The following KLHL3 variants were observed in gnomAD, a reference collection of about 807,000 sequenced individuals.
The protein encoded by KLHL3 is kelch like family member 3, also known as kelch-like protein 3.
In KLHL3, 19 loss-of-function variants were observed where a neutral mutation model predicts 70.5. The observed-to-expected ratio is 0.27, with a 90% CI of 0.19 to 0.40. The LOEUF is 0.40. Among genes scored for constraint, KLHL3 ranks in the 10% least tolerant of loss-of-function variants. The probability of loss-of-function intolerance (pLI) is 1.00; values close to 1 mark genes in which losing one functional copy is unlikely to be tolerated. For synonymous variants in KLHL3, 258 were observed against 290.3 expected (o/e 0.89, Z 1.13); for missense variants, 512 against 771.1 (o/e 0.66, Z 3.98).
intron 12 of KLHL3, among the ~76,000 whole-genome samples, chr5:137,630,506 C>A (rs1453492394): frequency 6.6e-6 from 1 of 152,126 alleles, no homozygotes; most frequent in East Asian, 1.9e-4. Context: ...GCCCTAGGAG[C>A]AGTCACACAT....
At chr5:137,668,906 A>G (rs1301590791) in intron 6 of KLHL3, among the ~76,000 whole-genome samples, 1 of 149,902 alleles carries the variant, frequency 6.7e-6, no homozygotes, top group African/African-American at 2.4e-5. Flanking sequence ...GTTGTTAAAC[A>G]TTTACCAGCA....
At chr5:137,650,673 G>A (rs971222503) in intron 8 of KLHL3, among the ~76,000 whole-genome samples, 1 of 151,792 alleles carries the variant, frequency 6.6e-6, no homozygotes, top group African/African-American at 2.4e-5. Context: ...TACAAAAAAC[G>A]TAGCCGGGCA....
chr5:137,684,460 T>C (rs552818613), intron 5 of KLHL3, among the ~76,000 whole-genome samples: 1 of 152,218 alleles, frequency 6.6e-6, no homozygotes, highest in Non-Finnish European at 1.5e-5. Context: ...AATGACTCAA[T>C]CAATCAAAAA....
rs188049371 is a variant in KLHL3 at position 137,677,378 on chromosome 5, G to A, written c.636+167C>T. The A allele has an allele frequency of 4.0e-4, 190 of 474,380 alleles. 1 individual carries two copies. The highest frequency in any genetic ancestry group is 3.3e-3 in the African/African-American group (162 of 49,436). The allele number at this position is 474,380 out of a possible 1,614,324, so 29.4% of individuals were successfully genotyped here. A position where few individuals can be genotyped will look rare whatever the true frequency, so the allele number is the denominator to read the frequency against. On this transcript the variant is annotated intron_variant, in intron 6 of 14. Coordinates refer to ENST00000309755, the MANE Select transcript of KLHL3 (RefSeq NM_017415.3). ...CAGGGGAATCACTTGAACCTGGGAGGCGGAGGTTGCAGTGAGCCGAGATCA... is the reference window on the plus strand; with the variant it reads ...CAGGGGAATCACTTGAACCTGGGAGACGGAGGTTGCAGTGAGCCGAGATCA...
intron 6 of KLHL3, among the ~76,000 whole-genome samples, chr5:137,665,392 G>A (rs1375963338): frequency 6.6e-6 from 1 of 152,156 alleles, no homozygotes; most frequent in Non-Finnish European, 1.5e-5. Context: ...GGCTAGAAAA[G>A]AGAATTTCCT....
At chr5:137,631,041 C>T (rs1221293232) in intron 12 of KLHL3, among the ~76,000 whole-genome samples, 1 of 120,316 alleles carries the variant, frequency 8.3e-6, no homozygotes, top group Admixed American at 1.1e-4. Context: ...TACTATAAAA[C>T]GAGATCACAA....
At chr5:137,655,979 A>C (rs1751331290) in intron 8 of KLHL3, among the ~76,000 whole-genome samples, 1 of 143,316 alleles carries the variant, frequency 7.0e-6, no homozygotes, top group East Asian at 2.0e-4. Context: ...TAGAAGAACA[A>C]GACTCTGCCT....
At position 137,667,966 on chromosome 5, in the gene KLHL3, A is replaced by C. The variant is rs1751653734; in HGVS notation, c.637-5935T>G. Among the ~76,000 whole-genome samples, 3 of 151,996 alleles carry C rather than the reference A, an allele frequency of 2.0e-5. 1 individual carries two copies. The highest frequency in any genetic ancestry group is 2.0e-4 in the Admixed American group (3 of 15,260). ...GTAGGTGTCACTGCTCACATTTTAC[A>C]GATGAGGAAACAGCCTGAGAGAGGT... On this transcript the variant is annotated intron_variant, in intron 6 of 14. Coordinates refer to ENST00000309755, the MANE Select transcript of KLHL3 (RefSeq NM_017415.3).
intron 2 of KLHL3, among the ~76,000 whole-genome samples, chr5:137,713,153 C>CAAAAA (rs958291877): frequency 5.2e-5 from 2 of 38,458 alleles, no homozygotes; most frequent in African/African-American, 1.0e-4. Flanking sequence ...GAATAACCAG[C>CAAAAA]AAAAAAAAAA....
intron 5 of KLHL3, among the ~76,000 whole-genome samples, chr5:137,683,783 C>T (rs977211238): frequency 1.3e-5 from 2 of 151,560 alleles, no homozygotes; most frequent in Non-Finnish European, 2.9e-5. Context: ...CTCTCTCTCT[C>T]TCACACACAC....
At position 137,662,240 on chromosome 5, in the gene KLHL3, TACACAC is replaced by T. The variant is rs138942924; in HGVS notation, c.637-215_637-210del. Among the ~76,000 whole-genome samples the T allele has an allele frequency of 0.042, 5,893 of 141,744 alleles. 126 individuals are homozygous for T. The highest frequency in any genetic ancestry group is 0.063 in the African/African-American group (2,397 of 38,286). 93.0% of individuals were successfully genotyped at this position (141,744 alleles called of 152,430 possible). A position where few individuals can be genotyped will look rare whatever the true frequency, so the allele number is the denominator to read the frequency against. On this transcript the variant is annotated intron_variant, in intron 6 of 14. Coordinates refer to ENST00000309755, the MANE Select transcript of KLHL3 (RefSeq NM_017415.3). ...TCAGAGAGTGATCACACACACACTC[TACACAC>T]ACACACACACACACACACACACACA...
chr5:137,725,328 T>G (rs1402467102), intron 1 of KLHL3, among the ~76,000 whole-genome samples: 1 of 152,144 alleles, frequency 6.6e-6, no homozygotes, highest in African/African-American at 2.4e-5. Context: ...CCATGAGATG[T>G]TTTCTGTTGA....
At chr5:137,671,241 T>A (rs1751751985) in intron 6 of KLHL3, among the ~76,000 whole-genome samples, 2 of 152,112 alleles carry the variant, frequency 1.3e-5, no homozygotes, top group Admixed American at 1.3e-4. Flanking sequence ...CTACTATTCC[T>A]CCAACCTAAA....
chr5:137,625,668 C>A, intron 14 of KLHL3, 85 bp downstream of exon 14: 1 of 1,516,882 alleles, frequency 6.6e-7, no homozygotes, highest in African/African-American at 1.4e-5. Flanking sequence ...AGCTCACATC[C>A]CCTCATCCCA....
intron 6 of KLHL3, among the ~76,000 whole-genome samples, chr5:137,675,488 A>G (rs1049227940): frequency 6.6e-6 from 1 of 152,208 alleles, no homozygotes; most frequent in African/African-American, 2.4e-5. Flanking sequence ...TATATCCATT[A>G]TCTCTAAGCC....
At chr5:137,682,101 A>G (rs925989313) in intron 5 of KLHL3, among the ~76,000 whole-genome samples, 1 of 151,910 alleles carries the variant, frequency 6.6e-6, no homozygotes, top group Non-Finnish European at 1.5e-5. Context: ...ACACCATTCT[A>G]AGCATTTTAC....
intron 2 of KLHL3, among the ~76,000 whole-genome samples, chr5:137,711,013 G>C (rs1285410476): frequency 1.3e-5 from 2 of 152,174 alleles, no homozygotes; most frequent in Non-Finnish European, 2.9e-5. Flanking sequence ...GCACTAGAGA[G>C]AGTAGGAAAG....
chr5:137,658,107 G>A, intron 8 of KLHL3, 24 bp downstream of exon 8: 1 of 1,602,588 alleles, frequency 6.2e-7, no homozygotes, highest in South Asian at 1.1e-5. Context: ...CCTGACTCTT[G>A]GTGGTGATTG....
intron 7 of KLHL3, among the ~76,000 whole-genome samples, chr5:137,660,371 C>T (rs1045307214): frequency 2.6e-5 from 4 of 152,138 alleles, no homozygotes; most frequent in African/African-American, 9.7e-5. Flanking sequence ...CCTGTGGAAG[C>T]GAGACTATAC....
Sources: allele counts gnomAD v4.1 joint callset (sites outside exome capture counted in the v4.1 genomes callset), GRCh38; gene constraint gnomAD v4.1.1; transcripts MANE v1.5; gene names NCBI Gene and HGNC (gene_info 2026-07-23, HGNC 2026-07-21).